CRIM1: variants seen among roughly 807,000 people sequenced by gnomAD.
CRIM1 encodes cysteine-rich motor neuron 1 protein.
CRIM1 carries 32 observed loss-of-function variants against 116.4 expected under a neutral mutation model. That is an observed-to-expected ratio of 0.27 (90% CI 0.21 to 0.37). The LOEUF (loss-of-function observed/expected upper bound fraction) is 0.37, where lower values mean the gene tolerates loss of function less well. CRIM1 is among the 10% of genes least tolerant of loss of function. The pLI, the probability that CRIM1 is intolerant of heterozygous loss-of-function variation, is 1.00. For missense variants in CRIM1, 1,331 were observed against 1,354.8 expected, an observed-to-expected ratio of 0.98 and a Z score of 0.28; for synonymous variants, 590 against 509.2, an observed-to-expected ratio of 1.16 and a Z score of -2.13.
intron 2 of CRIM1, among the ~76,000 whole-genome samples, chr2:36,404,451 G>C (rs1370163336): frequency 6.6e-6 from 1 of 152,132 alleles, no homozygotes; most frequent in Non-Finnish European, 1.5e-5. Flanking sequence ...CAGTCCAGAA[G>C]GTACTCAGCA....
intron 2 of CRIM1, among the ~76,000 whole-genome samples, chr2:36,417,591 C>G (rs183468410): frequency 6.6e-6 from 1 of 152,206 alleles, no homozygotes; most frequent in African/African-American, 2.4e-5. Flanking sequence ...ATCTTCAAAG[C>G]TAAAGACCTA....
chr2:36,392,288 C>T (rs939330938), intron 1 of CRIM1, among the ~76,000 whole-genome samples: 3 of 152,114 alleles, frequency 2.0e-5, no homozygotes, highest in African/African-American at 7.2e-5. Flanking sequence ...TATGTAATAT[C>T]CTAATTTGGT....
chr2:36,503,732 CT>C (rs1572884130), intron 8 of CRIM1, among the ~76,000 whole-genome samples: 1 of 152,114 alleles, frequency 6.6e-6, no homozygotes, highest in East Asian at 1.9e-4. Flanking sequence ...TCTATTGCAG[CT>C]GCTTTATATA....
chr2:36,414,586 T>C (rs1673460688), intron 2 of CRIM1, among the ~76,000 whole-genome samples: 1 of 152,218 alleles, frequency 6.6e-6, no homozygotes, highest in Non-Finnish European at 1.5e-5. Context: ...TGAGATAGGA[T>C]AGCTTGAGAA....
intron 12 of CRIM1, 30 bp downstream of exon 12, chr2:36,517,572 G>T: frequency 6.3e-7 from 1 of 1,592,488 alleles, no homozygotes; most frequent in South Asian, 1.1e-5. Flanking sequence ...GTGGGTGCTT[G>T]GTGGGGAAGG....
intron 4 of CRIM1, among the ~76,000 whole-genome samples, chr2:36,446,180 C>T (rs1167722166): frequency 6.6e-6 from 1 of 152,172 alleles, no homozygotes; most frequent in African/African-American, 2.4e-5. Context: ...GTGGACTTTT[C>T]TCCCCTATCT....
intron 5 of CRIM1, among the ~76,000 whole-genome samples, chr2:36,471,760 C>CG (rs1553316612): frequency 3.2e-4 from 43 of 134,516 alleles, no homozygotes; most frequent in African/African-American, 1.2e-3. Context: ...CACACACACA[C>CG]CATCTTACAA....
chr2:36,445,687 T>TA (rs1676186796), intron 4 of CRIM1, among the ~76,000 whole-genome samples: 1 of 152,294 alleles, frequency 6.6e-6, no homozygotes, highest in South Asian at 2.1e-4. Flanking sequence ...CAGCCTAGTT[T>TA]AGCATATTCA....
chr2:36,376,266 T>C (rs1384473095), intron 1 of CRIM1, among the ~76,000 whole-genome samples: 1 of 152,250 alleles, frequency 6.6e-6, no homozygotes, highest in Non-Finnish European at 1.5e-5. Context: ...CAAAAGCTTC[T>C]TAACCAATGT....
At chr2:36,499,134 TATG>T in intron 7 of CRIM1, 82 bp from the exon 8 acceptor site, 2 of 1,008,264 alleles carry the variant, frequency 2.0e-6, no homozygotes, top group African/African-American at 1.6e-5. Flanking sequence ...TTTGTAACAT[TATG>T]GTGTGGAATT....
chr2:36,402,243 C>A (rs193012506), intron 2 of CRIM1, among the ~76,000 whole-genome samples: 3 of 152,124 alleles, frequency 2.0e-5, no homozygotes. Flanking sequence ...TGGAAAATTG[C>A]TGTATTCAGG....
intron 13 of CRIM1, chr2:36,531,790 C>T (rs1185921351): frequency 2.5e-6 from 1 of 403,734 alleles, no homozygotes; most frequent in Non-Finnish European, 5.1e-6. Flanking sequence ...ACTGAATTTT[C>T]CAGACTCTAC....
At chr2:36,458,752 G>T (rs1477952402) in intron 4 of CRIM1, among the ~76,000 whole-genome samples, 1 of 152,118 alleles carries the variant, frequency 6.6e-6, no homozygotes, top group Admixed American at 6.5e-5. Flanking sequence ...GCTGAGGTCA[G>T]TTTGCAGCAG....
At chr2:36,438,738 G>T (rs1280236632) in intron 2 of CRIM1, among the ~76,000 whole-genome samples, 1 of 152,180 alleles carries the variant, frequency 6.6e-6, no homozygotes, top group Non-Finnish European at 1.5e-5. Context: ...AAGGAGCTGT[G>T]CCCAGAGAAA....
chr2:36,469,871 C>G (rs1215801144), intron 5 of CRIM1, among the ~76,000 whole-genome samples: 1 of 152,066 alleles, frequency 6.6e-6, no homozygotes, highest in African/African-American at 2.4e-5. Flanking sequence ...TTGTTGTAAT[C>G]CTTTCTAAGG....
rs1199373956 is a variant in CRIM1, at chr2:36,551,127, T to C, written c.*2426T>C. 6.6e-6 allele frequency: 1 copy of C among 152,610 alleles called. No homozygotes were observed. Among genetic ancestry groups the C allele is most frequent in the Admixed American group, 6.5e-5 (1 of 15,276 alleles). The allele number at this position is 152,610 out of a possible 1,614,324, so 9.5% of individuals were successfully genotyped here. ...CTTGGCAGGAAATAAACATTTTGAG[T>C]TGAAATCACACAGTGTAACTTGCAA... On this transcript the variant is annotated 3_prime_UTR_variant, in exon 17 of 17. Transcript: ENST00000280527.
rs550180623 is a variant in CRIM1 at position 36,371,311 on chromosome 2, A to G, written c.331+14688A>G. On this transcript the variant is annotated intron_variant, in intron 1 of 16. Coordinates refer to ENST00000280527, the MANE Select transcript of CRIM1 (RefSeq NM_016441.3). ...CACTTTCTCCTTCCCCTGTTATAGC[A>G]CTTTTCATACTGTGTTAGAGTTCAC... Among the ~76,000 whole-genome samples, 311 of 151,408 alleles carry G rather than the reference A, an allele frequency of 2.1e-3. 12 individuals carry two copies. The highest frequency in any genetic ancestry group is 1.8e-3 in the Non-Finnish European group (120 of 67,894).
chr2:36,368,253 C>T (rs1176994486), intron 1 of CRIM1, among the ~76,000 whole-genome samples: 1 of 152,196 alleles, frequency 6.6e-6, no homozygotes, highest in Non-Finnish European at 1.5e-5. Context: ...AAGGATGATT[C>T]CTGCAGAGGG....
chr2:36,534,540 G>C (rs1666380724), intron 13 of CRIM1, among the ~76,000 whole-genome samples: 1 of 136,568 alleles, frequency 7.3e-6, no homozygotes. Context: ...GGAGAGGAAG[G>C]AAGGGAGAGA....
Sources: allele counts gnomAD v4.1 joint callset (sites outside exome capture counted in the v4.1 genomes callset), GRCh38; gene constraint gnomAD v4.1.1; transcripts MANE v1.5; gene names NCBI Gene and HGNC (gene_info 2026-07-23, HGNC 2026-07-21).